DCC: variants seen among roughly 807,000 people sequenced by gnomAD.
DCC encodes the protein netrin receptor DCC.
A neutral mutation model predicts 172.5 loss-of-function variants in DCC; 58 were observed. The ratio of observed to expected loss-of-function variants is 0.34; its 90% CI spans 0.27 to 0.42. DCC has a LOEUF of 0.42. DCC is among the 10% of genes least tolerant of loss of function. DCC has a pLI of 1.00. For missense variants in DCC, 1,740 were observed against 1,791.0 expected (o/e 0.97, Z 0.51); for synonymous variants, 709 against 644.5 (o/e 1.10, Z -1.52).
intron 7 of DCC, among the ~76,000 whole-genome samples, chr18:53,099,008 CAATAAT>C (rs200996143): frequency 1.3e-5 from 2 of 151,748 alleles, no homozygotes; most frequent in Non-Finnish European, 2.9e-5. Flanking sequence ...GACCTCTTCT[CAATAAT>C]AATAATAATA....
intron 5 of DCC, among the ~76,000 whole-genome samples, chr18:52,938,530 T>G (rs888148848): frequency 2.6e-5 from 4 of 152,150 alleles, no homozygotes; most frequent in African/African-American, 9.7e-5. Flanking sequence ...TCAAGAATCA[T>G]AGTATCATTA....
chr18:52,820,942 T>A (rs1042328483), intron 2 of DCC, among the ~76,000 whole-genome samples: 2 of 152,128 alleles, frequency 1.3e-5, no homozygotes, highest in African/African-American at 4.8e-5. Context: ...TGAACTCACC[T>A]GGAGAAAAAA....
At chr18:52,526,694 A>G (rs1483107487) in intron 1 of DCC, among the ~76,000 whole-genome samples, 1 of 152,170 alleles carries the variant, frequency 6.6e-6, no homozygotes, top group Non-Finnish European at 1.5e-5. Flanking sequence ...GGCCCGTATT[A>G]TTATTTTATT....
At position 52,783,345 on chromosome 18, in the gene DCC, T is replaced by A. The variant is rs932250044; in HGVS notation, c.412+30971T>A. 3.2e-4 allele frequency among the ~76,000 whole-genome samples: 38 copies of A among 118,704 alleles called. 1 individual carries two copies. The highest frequency in any genetic ancestry group is 5.5e-4 in the Non-Finnish European group (29 of 52,972). 77.9% of individuals were successfully genotyped at this position (118,704 alleles called of 152,430 possible). A position where few individuals can be genotyped will look rare whatever the true frequency, so the allele number is the denominator to read the frequency against. On this transcript the variant is annotated intron_variant, in intron 2 of 28. Transcript: ENST00000442544. ...ACTCTTTTTTTTTTTTTTTTTTTTT[T>A]TTTTTTTTTTTTTTTTACAACACAA...
At chr18:53,331,279 C>T (rs1040824342) in intron 14 of DCC, among the ~76,000 whole-genome samples, 4 of 152,088 alleles carry the variant, frequency 2.6e-5, no homozygotes, top group African/African-American at 7.2e-5. Context: ...GGTTTGAATC[C>T]ACTTCAAGGA....
At chr18:52,881,064 AGAT>A (rs1317347913) in intron 2 of DCC, among the ~76,000 whole-genome samples, 11 of 152,062 alleles carry the variant, frequency 7.2e-5, no homozygotes, top group African/African-American at 2.4e-4. Context: ...AACTGAGGAG[AGAT>A]GATATCTCAT....
intron 7 of DCC, among the ~76,000 whole-genome samples, chr18:53,126,262 G>A (rs1048230384): frequency 6.6e-6 from 1 of 152,014 alleles, no homozygotes; most frequent in Admixed American, 6.6e-5. Flanking sequence ...CATTTCTTTG[G>A]CTTTCACCCC....
At chr18:53,412,089 C>G (rs1042057738) in intron 20 of DCC, among the ~76,000 whole-genome samples, 2 of 152,078 alleles carry the variant, frequency 1.3e-5, no homozygotes, top group African/African-American at 4.8e-5. Flanking sequence ...ATAGCCATCC[C>G]AGGAATTGTT....
intron 1 of DCC, among the ~76,000 whole-genome samples, chr18:52,363,300 G>T (rs2879423): frequency 1.3e-5 from 2 of 151,972 alleles, no homozygotes; most frequent in African/African-American, 4.8e-5. Flanking sequence ...TGTAATTGAT[G>T]GGTTCTGTTT....
intron 1 of DCC, among the ~76,000 whole-genome samples, chr18:52,579,681 G>A (rs891399635): frequency 1.3e-5 from 2 of 152,196 alleles, no homozygotes; most frequent in Non-Finnish European, 2.9e-5. Context: ...TCTGCATGCA[G>A]TTCTGCACTG....
intron 1 of DCC, chr18:52,419,536 A>G (rs950719475): frequency 1.3e-5 from 2 of 152,168 alleles, no homozygotes; most frequent in Non-Finnish European, 2.9e-5. Context: ...CTTAATGTGC[A>G]CCTGGTGAAA....
At chr18:53,382,102 A>ACACACC (rs1555661811) in intron 15 of DCC, among the ~76,000 whole-genome samples, 1 of 53,604 alleles carries the variant, frequency 1.9e-5, no homozygotes, top group East Asian at 3.4e-4. Context: ...ACACACACAC[A>ACACACC]CACCCCTACC....
rs111267556 is a variant in DCC at position 52,790,271 on chromosome 18, T to A, written c.412+37897T>A. ...AGGCTTATGGGATCCTGGGTCTGCA[T>A]CCTAGCCTAACATATGTTTTCTTTT... On this transcript the variant is annotated intron_variant, in intron 2 of 28. Transcript: ENST00000442544. 1.7e-3 allele frequency among the ~76,000 whole-genome samples: 252 copies of A among 152,326 alleles called. 1 individual carries two copies. The highest frequency in any genetic ancestry group is 2.7e-3 in the Non-Finnish European group (182 of 68,024).
At chr18:53,276,116 G>A (rs1313664735) in intron 12 of DCC, among the ~76,000 whole-genome samples, 3 of 152,014 alleles carry the variant, frequency 2.0e-5, no homozygotes, top group Non-Finnish European at 2.9e-5. Context: ...TTATGAAATA[G>A]GCTAATATCC....
chr18:53,460,088 A>G (rs1217358017), intron 24 of DCC, among the ~76,000 whole-genome samples: 1 of 148,616 alleles, frequency 6.7e-6, no homozygotes, highest in Non-Finnish European at 1.5e-5. Context: ...CTACTGTTCA[A>G]TGAATTGGTG....
intron 2 of DCC, among the ~76,000 whole-genome samples, chr18:52,786,894 A>G (rs966903203): frequency 2.6e-5 from 4 of 152,140 alleles, no homozygotes; most frequent in African/African-American, 9.7e-5. Context: ...GCCTTGATAA[A>G]ATAACCAGTT....
chr18:53,260,527 G>A (rs2056582808), intron 12 of DCC, among the ~76,000 whole-genome samples: 1 of 152,082 alleles, frequency 6.6e-6, no homozygotes, highest in African/African-American at 2.4e-5. Flanking sequence ...GAATATTGGT[G>A]AACAGCAAAT....
At chr18:52,984,696 A>G (rs1011228298) in intron 5 of DCC, among the ~76,000 whole-genome samples, 1 of 152,128 alleles carries the variant, frequency 6.6e-6, no homozygotes, top group Non-Finnish European at 1.5e-5. Flanking sequence ...TATAGAATTT[A>G]AAACCAATAA....
At position 52,482,083 on chromosome 18, in the gene DCC, G is replaced by A. The variant is rs137863972; in HGVS notation, c.91+141205G>A. 3.3e-3 allele frequency among the ~76,000 whole-genome samples: 508 copies of A among 151,834 alleles called. 3 individuals carry two copies. Among genetic ancestry groups the A allele is most frequent in the Middle Eastern group, 6.8e-3 (2 of 294 alleles). On this transcript the variant is annotated intron_variant, in intron 1 of 28. Coordinates refer to ENST00000442544, the MANE Select transcript of DCC (RefSeq NM_005215.4). The stretch of plus-strand genomic sequence containing the variant: ...TTTGCTCATTCCCCACTTTTGCCCC[G>A]CCATATCCACTCACCCACCCATATG...
Sources: allele counts gnomAD v4.1 joint callset (sites outside exome capture counted in the v4.1 genomes callset), GRCh38; gene constraint gnomAD v4.1.1; transcripts MANE v1.5; gene names NCBI Gene and HGNC (gene_info 2026-07-23, HGNC 2026-07-21).